MRAP2: variants seen among roughly 807,000 people sequenced by gnomAD.
MRAP2 encodes melanocortin 2 receptor accessory protein 2.
Under a neutral mutation model 17.4 loss-of-function variants are expected in MRAP2, and 20 were observed. The ratio of observed to expected loss-of-function variants is 1.15; its 90% confidence interval spans 0.81 to 1.67. The LOEUF (loss-of-function observed/expected upper bound fraction) is 1.67. Among genes scored for constraint, MRAP2 ranks in the 40% most tolerant of loss-of-function variants. The pLI, the probability that MRAP2 is intolerant of heterozygous loss-of-function variation, is 0.00. For missense variants in MRAP2, 238 were observed against 240.0 expected (o/e 0.99, Z 0.05); for synonymous variants, 96 against 88.4 (o/e 1.09, Z -0.48).
chr6:84,033,607 G>GATCT (rs2099485092), upstream of MRAP2: 4 of 865,500 alleles, frequency 4.6e-6, no homozygotes, highest in Non-Finnish European at 5.6e-6. Flanking sequence ...GCAGGAAAGG[G>GATCT]ATCTGCAAAG....
At chr6:84,062,435 CT>C (rs1301186366) in intron 2 of MRAP2, 2 of 642,632 alleles carry the variant, frequency 3.1e-6, no homozygotes, top group African/African-American at 3.9e-5. Context: ...ATTCTGGGAG[CT>C]TCCCGGTTCA....
Position 84,089,086 on chromosome 6 carries a change from A to C in MRAP2, c.228-5A>C, listed in dbSNP as rs748760655. Reference sequence around the variant, plus strand: ...AGCAGTCTTTTATTTTCTTTTTTTAAATAGCAATGCAGAGTCCTCAGAGAA... The same window carrying C: ...AGCAGTCTTTTATTTTCTTTTTTTACATAGCAATGCAGAGTCCTCAGAGAA... On this transcript the variant is annotated splice_region_variant and splice_polypyrimidine_tract_variant and intron_variant, in intron 3 of 3. Coordinates refer to ENST00000257776, the MANE Select transcript of MRAP2 (RefSeq NM_138409.4). The C allele has an allele frequency of 4.4e-6, 7 of 1,591,080 alleles. No individual in the cohort carries two copies. The highest frequency in any genetic ancestry group is 3.4e-6 in the Non-Finnish European group (4 of 1,171,114).
the MRAP2 span, among the ~76,000 whole-genome samples, chr6:84,101,931 T>C: frequency 6.6e-6 from 1 of 152,346 alleles, no homozygotes; most frequent in Non-Finnish European, 1.5e-5. Flanking sequence ...AATTAATTGC[T>C]CTGGAATATC....
At chr6:84,097,420 T>C in the MRAP2 span, among the ~76,000 whole-genome samples, 50 of 152,336 alleles carry the variant, frequency 3.3e-4, no homozygotes, top group South Asian at 9.9e-3. Flanking sequence ...TATATTACTT[T>C]TGTTGTTGTA....
At chr6:84,111,760 T>G in the MRAP2 span, among the ~76,000 whole-genome samples, 1 of 152,208 alleles carries the variant, frequency 6.6e-6, no homozygotes, top group South Asian at 2.1e-4. Context: ...TAGCTCTTAT[T>G]ATTTTGAGAT....
chr6:84,063,258 G>A, intron 3 of MRAP2: 3 of 985,270 alleles, frequency 3.0e-6, no homozygotes, highest in Non-Finnish European at 3.6e-6. Context: ...ATGTGGGCCT[G>A]ATTTTTACAT....
chr6:84,141,808 C>G, the MRAP2 span, among the ~76,000 whole-genome samples: 1 of 152,194 alleles, frequency 6.6e-6, no homozygotes, highest in African/African-American at 2.4e-5. Context: ...TCATCAACTC[C>G]TTCAGCTCCA....
chr6:84,104,989 C>T, the MRAP2 span, among the ~76,000 whole-genome samples: 1 of 152,220 alleles, frequency 6.6e-6, no homozygotes. Context: ...ATAAGAGTCA[C>T]CTTTGCTCCA....
chr6:84,109,518 A>AT, the MRAP2 span, among the ~76,000 whole-genome samples: 17 of 151,958 alleles, frequency 1.1e-4, no homozygotes, highest in African/African-American at 4.1e-4. Flanking sequence ...TTGCACATTG[A>AT]TTTTGTATAC....
the MRAP2 span, among the ~76,000 whole-genome samples, chr6:84,108,773 G>A: frequency 5.9e-5 from 9 of 152,188 alleles, no homozygotes; most frequent in East Asian, 5.8e-4. Flanking sequence ...AAATGGTATC[G>A]CCTAGGTTTT....
At chr6:84,037,733 C>A (rs2099486512) in intron 1 of MRAP2, among the ~76,000 whole-genome samples, 1 of 152,136 alleles carries the variant, frequency 6.6e-6, no homozygotes, top group Non-Finnish European at 1.5e-5. Context: ...GGGTGCTAAG[C>A]CCCTCACTGC....
chr6:84,095,825 A>T (rs374059534), downstream of MRAP2, among the ~76,000 whole-genome samples: 1 of 152,338 alleles, frequency 6.6e-6, no homozygotes, highest in East Asian at 1.9e-4. Context: ...CTCGAGGCAG[A>T]TGTGTGTGAG....
the MRAP2 span, among the ~76,000 whole-genome samples, chr6:84,105,706 G>T: frequency 6.6e-6 from 1 of 152,122 alleles, no homozygotes; most frequent in South Asian, 2.1e-4. Context: ...TGGCAGCCTG[G>T]ATTAGTCACT....
At chr6:84,081,765 C>A (rs2129174206) in intron 3 of MRAP2, among the ~76,000 whole-genome samples, 1 of 152,248 alleles carries the variant, frequency 6.6e-6, no homozygotes, top group Non-Finnish European at 1.5e-5. Context: ...TTGCAGTGAG[C>A]CAAGATCAAG....
chr6:84,123,253 CA>C, the MRAP2 span, among the ~76,000 whole-genome samples: 881 of 119,338 alleles, frequency 7.4e-3, 6 homozygotes, highest in Middle Eastern at 0.014. Flanking sequence ...CGCCCAACTC[CA>C]AAAAAAAAAA....
the MRAP2 span, among the ~76,000 whole-genome samples, chr6:84,097,545 C>A: frequency 6.6e-6 from 1 of 152,038 alleles, no homozygotes; most frequent in Non-Finnish European, 1.5e-5. Context: ...CCTGTTTGAT[C>A]CTTCTTAAAA....
the MRAP2 span, among the ~76,000 whole-genome samples, chr6:84,114,924 G>C: frequency 1.3e-5 from 2 of 152,192 alleles, no homozygotes; most frequent in Non-Finnish European, 2.9e-5. Context: ...AGCAAAGATT[G>C]CTGCCTGTTC....
chr6:84,049,279 G>A (rs2099489803), intron 1 of MRAP2, among the ~76,000 whole-genome samples: 3 of 152,050 alleles, frequency 2.0e-5, no homozygotes, highest in Admixed American at 2.0e-4. Context: ...ACAAAACTTA[G>A]CCAGGCATGG....
the MRAP2 span, among the ~76,000 whole-genome samples, chr6:84,117,506 G>A: frequency 1.4e-5 from 2 of 143,580 alleles, no homozygotes; most frequent in Non-Finnish European, 3.0e-5. Flanking sequence ...TTTTTTTTTT[G>A]GTTGGTAAGC....
Sources: gnomAD v4.1 joint callset for allele counts (sites outside exome capture counted in the v4.1 genomes callset) on GRCh38, gnomAD v4.1.1 for gene constraint, MANE v1.5 for transcripts, NCBI Gene and HGNC (gene_info 2026-07-23, HGNC 2026-07-21) for gene names.